LRP1B: variants seen among roughly 807,000 people sequenced by gnomAD.
LRP1B encodes low-density lipoprotein receptor-related protein 1B.
In LRP1B, 217 loss-of-function variants were observed where a neutral mutation model predicts 556.6. The ratio of observed to expected loss-of-function variants is 0.39; its 90% CI spans 0.35 to 0.44. LRP1B has a LOEUF of 0.44. LRP1B is among the 20% of genes least tolerant of loss of function. The pLI is 1.00. For missense variants in LRP1B, 5,053 were observed against 5,620.8 expected (o/e 0.90, Z 3.23); for synonymous variants, 2,047 against 1,865.8 (o/e 1.10, Z -2.50).
At chr2:141,193,270 G>A (rs1005821985) in intron 6 of LRP1B, among the ~76,000 whole-genome samples, 1 of 151,884 alleles carries the variant, frequency 6.6e-6, no homozygotes, top group Non-Finnish European at 1.5e-5. Context: ...CTATGATAAA[G>A]ACACAAGCAC....
At chr2:141,259,429 C>T (rs544158753) in intron 3 of LRP1B, among the ~76,000 whole-genome samples, 3 of 152,238 alleles carry the variant, frequency 2.0e-5, no homozygotes, top group South Asian at 2.1e-4. Flanking sequence ...AGATTGGAAC[C>T]GTATTTTTGT....
At position 140,475,326 on chromosome 2, in the gene LRP1B, C is replaced by G. The variant is rs2105348242; in HGVS notation, c.9437G>C (p.Trp3146Ser). The G allele has an allele frequency of 6.2e-7, 1 of 1,600,442 alleles. No homozygotes were observed. Among genetic ancestry groups the G allele is most frequent in the South Asian group, 1.1e-5 (1 of 89,552 alleles). The change falls in exon 60 of 91, where the codon TGG (tryptophan) becomes TCG (serine). Residue 3146 changes from tryptophan to serine, a missense_variant. By Grantham distance (177) the Trp-to-Ser change is radical. Transcript: ENST00000389484. ...ATGAGGATACTCGCAGCAGTCAATC[C>G]AATACAAATATCTAGGAAAGAAAAT... is the stretch of plus-strand genomic sequence containing the variant. Reference protein sequence around the residue: ...SLDPQAGYLYWIDCCEYPHIG... With the variant: ...SLDPQAGYLYSIDCCEYPHIG...
intron 3 of LRP1B, among the ~76,000 whole-genome samples, chr2:141,395,810 C>G (rs2104914274): frequency 6.6e-6 from 1 of 152,216 alleles, no homozygotes; most frequent in East Asian, 1.9e-4. Flanking sequence ...AAGCCTGATG[C>G]ATAAGCATGA....
At chr2:140,768,739 T>C (rs1459586357) in intron 35 of LRP1B, among the ~76,000 whole-genome samples, 1 of 151,936 alleles carries the variant, frequency 6.6e-6, no homozygotes, top group Non-Finnish European at 1.5e-5. Context: ...ACATACTATA[T>C]TCAACAATAA....
chr2:141,993,152 G>A (rs577897604), intron 1 of LRP1B, among the ~76,000 whole-genome samples: 65 of 152,180 alleles, frequency 4.3e-4, no homozygotes, highest in African/African-American at 1.4e-3. Context: ...GAAGAGAAAG[G>A]GAGAGAGCAG....
chr2:141,532,900 C>T (rs147483397), intron 2 of LRP1B, among the ~76,000 whole-genome samples: 29 of 152,146 alleles, frequency 1.9e-4, no homozygotes, highest in African/African-American at 6.5e-4. Flanking sequence ...GCAGGAGAAT[C>T]GCTTGAACTC....
At chr2:141,478,605 A>G (rs1682800665) in intron 3 of LRP1B, among the ~76,000 whole-genome samples, 2 of 150,946 alleles carry the variant, frequency 1.3e-5, no homozygotes, top group East Asian at 2.0e-4. Context: ...GTGCAATGAC[A>G]TAATCTTGGC....
chr2:140,770,587 T>C (rs1225996072), intron 34 of LRP1B, among the ~76,000 whole-genome samples: 1 of 152,044 alleles, frequency 6.6e-6, no homozygotes, highest in Non-Finnish European at 1.5e-5. Flanking sequence ...TACTATAATT[T>C]TTGCCTATTC....
chr2:141,746,693 T>G (rs1693926239), intron 2 of LRP1B, among the ~76,000 whole-genome samples: 1 of 152,116 alleles, frequency 6.6e-6, no homozygotes, highest in Admixed American at 6.6e-5. Flanking sequence ...AAATTTGGTG[T>G]TCCTGTCCAG....
chr2:141,838,901 G>A (rs927762089), intron 1 of LRP1B, among the ~76,000 whole-genome samples: 1 of 151,992 alleles, frequency 6.6e-6, no homozygotes, highest in Non-Finnish European at 1.5e-5. Flanking sequence ...CCTATTACAG[G>A]TTAAGGTCAA....
chr2:141,334,592 C>T (rs1687778455), intron 3 of LRP1B, among the ~76,000 whole-genome samples: 1 of 152,198 alleles, frequency 6.6e-6, no homozygotes, highest in African/African-American at 2.4e-5. Flanking sequence ...TGCTTTGTCA[C>T]CCAGGCTGGA....
At chr2:140,612,832 A>C (rs1683115370) in intron 41 of LRP1B, among the ~76,000 whole-genome samples, 1 of 151,916 alleles carries the variant, frequency 6.6e-6, no homozygotes, top group South Asian at 2.1e-4. Context: ...GCATTCTTGA[A>C]TTTTCTTATT....
At chr2:140,841,216 C>T (rs1573790545) in intron 29 of LRP1B, 124 bp from the exon 30 acceptor site, 1 of 615,098 alleles carries the variant, frequency 1.6e-6, no homozygotes, top group South Asian at 2.5e-5. Context: ...GCTAAAATCG[C>T]ACAAGATTGT....
At chr2:140,912,206 C>A (rs1414626763) in intron 21 of LRP1B, among the ~76,000 whole-genome samples, 1 of 151,594 alleles carries the variant, frequency 6.6e-6, no homozygotes, top group African/African-American at 2.4e-5. Context: ...CTAACTCATG[C>A]ACATGAATTA....
rs774941177 is a variant in LRP1B at position 140,356,447 on chromosome 2, C to T, written c.11425G>A (p.Val3809Met). ...TATGCATCATCTCCACATGGATTCA[C>T]ATTATCTTCACAGGTATATTCAGTA... ...APTEYTCEDN[V>M]NPCGDDAYCN... is the part of the protein sequence containing the mutation. The change falls in exon 75 of 91, where the codon GTG (valine) becomes ATG (methionine). Residue 3809 changes from valine to methionine, a missense_variant. By Grantham distance (21) the Val-to-Met change is conservative. Around this residue, in one of 5 missense-constraint regions of LRP1B, gnomAD observed 599 missense variants for 648.4 expected, o/e 0.92. Transcript: ENST00000389484. The T allele has an allele frequency of 1.2e-5, 20 of 1,606,370 alleles. No homozygotes were observed. The African/African-American group carries it at 1.9e-4, about 15-fold the overall frequency.
intron 11 of LRP1B, among the ~76,000 whole-genome samples, chr2:141,045,354 G>C (rs547704298): frequency 6.6e-6 from 1 of 150,764 alleles, no homozygotes; most frequent in Admixed American, 6.6e-5. Context: ...GCACCAGCAT[G>C]GCACATGTAT....
In LRP1B at chr2:140,358,860, C is replaced by A. The variant is rs1338371264; in HGVS notation, c.11218G>T (p.Asp3740Tyr). The A allele has an allele frequency of 6.2e-7, 1 of 1,609,246 alleles. No homozygotes were observed. The highest frequency in any genetic ancestry group is 1.1e-5 in the South Asian group (1 of 90,952). ...LQSEQMCNGI[D>Y]ECGDNSDEDH... ...TCATCTGAATTGTCACCGCATTCAT[C>A]AATCCCATTGCACATTTGCTCCGAC... The change falls in exon 73 of 91, where the codon GAT becomes TAT. Residue 3740 changes from aspartate (D) to tyrosine (Y), a missense_variant. Around this residue, in one of 5 missense-constraint regions of LRP1B, gnomAD observed 599 missense variants for 648.4 expected, o/e 0.92. Transcript: ENST00000389484.
At chr2:140,876,118 G>A (rs1386357059) in intron 25 of LRP1B, among the ~76,000 whole-genome samples, 1 of 152,126 alleles carries the variant, frequency 6.6e-6, no homozygotes, top group African/African-American at 2.4e-5. Context: ...AGAACTCATG[G>A]AGAGCTGAAA....
chr2:142,090,041 A>G lies in LRP1B; in HGVS notation c.82+40607T>C, dbSNP rs141887178. Among the ~76,000 whole-genome samples the G allele has an allele frequency of 5.3e-3, 808 of 152,272 alleles. 3 individuals carry two copies. The highest frequency in any genetic ancestry group is 0.013 in the African/African-American group (533 of 41,562). The stretch of plus-strand genomic sequence containing the variant: ...AAAGTGTCAGATGTGTTTGGCATCT[A>G]TGTGGATAATGATAAAATATGTACA... On this transcript the variant is annotated intron_variant, in intron 1 of 90. Coordinates refer to ENST00000389484, the MANE Select transcript of LRP1B (RefSeq NM_018557.3).
Sources: gnomAD v4.1 joint callset for allele counts (sites outside exome capture counted in the v4.1 genomes callset) on GRCh38, gnomAD v4.1.1 for gene constraint, gnomAD v4.1.1 regional missense constraint, MANE v1.5 for transcripts, NCBI Gene and HGNC (gene_info 2026-07-23, HGNC 2026-07-21) for gene names.